ETV6: variants seen among roughly 807,000 people sequenced by gnomAD.
ETV6 encodes transcription factor ETV6.
Under a neutral mutation model 51.1 loss-of-function variants are expected in ETV6, and 16 were observed. The ratio of observed to expected loss-of-function variants is 0.31; its 90% CI spans 0.21 to 0.48. ETV6 has a LOEUF of 0.48. Ranked by LOEUF, ETV6 falls within the 20% of genes least tolerant of loss-of-function variation. The probability of loss-of-function intolerance (pLI) is 0.99; values close to 1 mark genes in which losing one functional copy is unlikely to be tolerated. For synonymous variants in ETV6, 240 were observed against 224.1 expected, an observed-to-expected ratio of 1.07 and a Z score of -0.64; for missense variants, 458 against 594.8, an observed-to-expected ratio of 0.77 and a Z score of 2.39.
rs146280653 is a variant in ETV6 at position 11,884,568 on chromosome 12, G to A, written c.1133G>A (p.Arg378Gln). Reference sequence around the variant, plus strand: ...ATAGTGGATCCCAACGGACTGGCTCGACTGTGGGGAAACCATAAGGTAAAA... The same window carrying A: ...ATAGTGGATCCCAACGGACTGGCTCAACTGTGGGGAAACCATAAGGTAAAA... ...FRIVDPNGLA[R>Q]LWGNHKNRTN... The change falls in exon 6 of 8, where the codon CGA becomes CAA. Residue 378 changes from arginine to glutamine, a missense_variant. Physicochemically the swap from Arg to Gln is conservative, Grantham distance 43. Transcript: ENST00000396373. 7.4e-5 allele frequency: 120 copies of A among 1,613,926 alleles called. No individual in the cohort carries two copies. Among genetic ancestry groups the A allele is most frequent in the Non-Finnish European group, 2.2e-5 (26 of 1,180,032 alleles).
rs1947346819 is a variant in ETV6 at position 11,893,847 on chromosome 12, C to CATACAT, written c.*2802_*2803insTACATA. The CATACAT allele has an allele frequency of 1.6e-5, 2 of 126,536 alleles. No individual in the cohort carries two copies. Among genetic ancestry groups the CATACAT allele is most frequent in the African/African-American group, 9.5e-5 (2 of 21,092 alleles). 7.8% of individuals were successfully genotyped at this position (126,536 alleles called of 1,614,324 possible). A position where few individuals can be genotyped will look rare whatever the true frequency, so the allele number is the denominator to read the frequency against. On this transcript the variant is annotated 3_prime_UTR_variant, in exon 8 of 8. Coordinates refer to ENST00000396373, the MANE Select transcript of ETV6 (RefSeq NM_001987.5). ...ATATATATATATATATATATACACA[C>CATACAT]ACACACACATACACAAATATTCCAG...
chr12:11,822,117 CA>C (rs1946090257), intron 2 of ETV6, among the ~76,000 whole-genome samples: 1 of 152,184 alleles, frequency 6.6e-6, no homozygotes, highest in South Asian at 2.1e-4. Context: ...TTCCAGACCG[CA>C]AAATCCAGTC....
At chr12:11,853,301 A>G (rs1407575948) in intron 3 of ETV6, 126 bp from the exon 4 acceptor site, 4 of 996,622 alleles carry the variant, frequency 4.0e-6, no homozygotes, top group South Asian at 1.5e-5. Context: ...TGGTGAGGGT[A>G]GGAGGTGGCA....
intron 1 of ETV6, among the ~76,000 whole-genome samples, chr12:11,736,962 A>C (rs984713425): frequency 6.6e-6 from 1 of 152,244 alleles, no homozygotes; most frequent in Middle Eastern, 3.4e-3. Flanking sequence ...TGTAAGGGAT[A>C]TGGCAGTGAA....
chr12:11,887,736 G>T (rs1194088813), intron 7 of ETV6, among the ~76,000 whole-genome samples: 8 of 141,918 alleles, frequency 5.6e-5, no homozygotes, highest in African/African-American at 2.1e-4. Flanking sequence ...GACAGAGCGA[G>T]ACTCCATCTC....
At chr12:11,750,927 G>A (rs1866014002) in intron 1 of ETV6, 1 of 463,512 alleles carries the variant, frequency 2.2e-6, no homozygotes, top group African/African-American at 2.1e-5. Flanking sequence ...GCAGTTGAAA[G>A]TTTTGCCTCT....
chr12:11,700,647 A>G (rs1864961717), intron 1 of ETV6, among the ~76,000 whole-genome samples: 1 of 152,216 alleles, frequency 6.6e-6, no homozygotes, highest in African/African-American at 2.4e-5. Flanking sequence ...AGCTAAAGAA[A>G]AGAAAATGCT....
intron 1 of ETV6, among the ~76,000 whole-genome samples, chr12:11,740,587 A>G (rs1226621571): frequency 1.3e-5 from 2 of 152,242 alleles, no homozygotes; most frequent in Non-Finnish European, 2.9e-5. Flanking sequence ...ACTGTTTAGA[A>G]TTGCATTTTG....
At chr12:11,780,839 G>C (rs557417119) in intron 2 of ETV6, among the ~76,000 whole-genome samples, 1 of 152,352 alleles carries the variant, frequency 6.6e-6, no homozygotes, top group South Asian at 2.1e-4. Context: ...GTAGATGATT[G>C]TAAGTTACTG....
chr12:11,713,726 A>C lies in ETV6; in HGVS notation c.34-38724A>C, dbSNP rs576287497. Among the ~76,000 whole-genome samples, 3 of 152,246 alleles carry C rather than the reference A, an allele frequency of 2.0e-5. No homozygotes were observed. In the East Asian group the frequency reaches 5.8e-4, roughly 29 times the overall value. On this transcript the variant is annotated intron_variant, in intron 1 of 7. Coordinates refer to ENST00000396373, the MANE Select transcript of ETV6 (RefSeq NM_001987.5). ...TTTTTCTTCATAGTCTTTATCTGGA[A>C]TATATATTTATTTCTGTCTACATCC... is the stretch of plus-strand genomic sequence containing the variant.
At chr12:11,696,822 AAAT>A (rs750381023) in intron 1 of ETV6, among the ~76,000 whole-genome samples, 3 of 152,194 alleles carry the variant, frequency 2.0e-5, no homozygotes, top group Non-Finnish European at 4.4e-5. Context: ...TGTCTCAAAA[AAAT>A]AATAATAAAA....
Position 11,698,767 on chromosome 12 carries a change from C to T in ETV6, c.33+48607C>T, listed in dbSNP as rs968482822. 8.5e-5 allele frequency among the ~76,000 whole-genome samples: 13 copies of T among 152,310 alleles called. No homozygotes were observed. The East Asian group carries it at 2.1e-3, about 25-fold the overall frequency. ...AGATTGAGCTGGTGGTTGCATTGAA[C>T]AATATAAATTGATGAATAACAATTT... On this transcript the variant is annotated intron_variant, in intron 1 of 7. Transcript: ENST00000396373.
At chr12:11,856,236 A>G (rs1228479391) in intron 4 of ETV6, among the ~76,000 whole-genome samples, 1 of 152,232 alleles carries the variant, frequency 6.6e-6, no homozygotes, top group Non-Finnish European at 1.5e-5. Flanking sequence ...GTGCCACCGC[A>G]TACGCTGTAA....
chr12:11,868,715 A>G (rs892413674), intron 4 of ETV6, among the ~76,000 whole-genome samples: 3 of 152,106 alleles, frequency 2.0e-5, no homozygotes, highest in Non-Finnish European at 4.4e-5. Flanking sequence ...TCCTAGAGTT[A>G]GAGAATATGA....
intron 2 of ETV6, among the ~76,000 whole-genome samples, chr12:11,823,620 C>G (rs964393015): frequency 3.3e-5 from 5 of 152,100 alleles, no homozygotes; most frequent in Non-Finnish European, 7.4e-5. Flanking sequence ...GCTCCCATCA[C>G]TAGGCCAGGC....
chr12:11,841,516 G>C (rs1413005832), intron 3 of ETV6, among the ~76,000 whole-genome samples: 1 of 152,186 alleles, frequency 6.6e-6, no homozygotes, highest in Non-Finnish European at 1.5e-5. Flanking sequence ...AGTAGAAGAG[G>C]CAGAAAAGGC....
At chr12:11,888,155 G>A (rs960967057) in intron 7 of ETV6, among the ~76,000 whole-genome samples, 9 of 152,172 alleles carry the variant, frequency 5.9e-5, no homozygotes, top group African/African-American at 2.2e-4. Flanking sequence ...GCTGCCTCCT[G>A]AAACCATAAT....
intron 4 of ETV6, among the ~76,000 whole-genome samples, chr12:11,864,507 A>G (rs1282229069): frequency 6.6e-6 from 1 of 152,258 alleles, no homozygotes; most frequent in Non-Finnish European, 1.5e-5. Flanking sequence ...TGTCTTCAAT[A>G]GTTGTTTACA....
intron 1 of ETV6, among the ~76,000 whole-genome samples, chr12:11,672,022 A>G (rs540128654): frequency 1.3e-5 from 2 of 150,684 alleles, no homozygotes; most frequent in South Asian, 4.2e-4. Flanking sequence ...CTGAAAATGA[A>G]TGAAGGATGG....
Sources: gnomAD v4.1 joint callset for allele counts (sites outside exome capture counted in the v4.1 genomes callset) on GRCh38, gnomAD v4.1.1 for gene constraint, MANE v1.5 for transcripts, NCBI Gene and HGNC (gene_info 2026-07-23, HGNC 2026-07-21) for gene names.